CDKL5: variants seen among roughly 807,000 people sequenced by gnomAD.
CDKL5 encodes the protein cyclin dependent kinase like 5, also known as cyclin-dependent kinase-like 5.
CDKL5 carries 8 observed loss-of-function variants against 61.7 expected under a neutral mutation model. The observed-to-expected ratio is 0.13, with a 90% CI of 0.08 to 0.23. The LOEUF (loss-of-function observed/expected upper bound fraction) is 0.23, where lower values mean the gene tolerates loss of function less well. Ranked by LOEUF, CDKL5 falls within the 10% of genes least tolerant of loss-of-function variation. The pLI is 1.00. For synonymous variants in CDKL5, 275 were observed against 272.3 expected (o/e 1.01, Z -0.10); for missense variants, 440 against 734.5 (o/e 0.60, Z 4.63).
In CDKL5 at chrX:18,448,215, C is replaced by G. The variant is rs112610520; in HGVS notation, c.-163+22520C>G. Among the ~76,000 whole-genome samples, 399 of 112,374 alleles carry G rather than the reference C, an allele frequency of 3.6e-3. 1 individual carries two copies. Among genetic ancestry groups the G allele is most frequent in the African/African-American group, 0.012 (364 of 30,958 alleles). On this transcript the variant is annotated intron_variant, in intron 1 of 17. Coordinates refer to ENST00000623535, the MANE Select transcript of CDKL5 (RefSeq NM_001323289.2). Reference sequence around the variant, plus strand: ...CTGAGATCCACCTGGGCTCCCAAGACAGATAGTGGGGTCTTGTCCAGTTCA... The same window carrying G: ...CTGAGATCCACCTGGGCTCCCAAGAGAGATAGTGGGGTCTTGTCCAGTTCA...
intron 1 of CDKL5, among the ~76,000 whole-genome samples, chrX:18,446,481 T>A (rs1484797041): frequency 8.9e-6 from 1 of 112,450 alleles, no homozygotes; most frequent in Non-Finnish European, 1.9e-5. Flanking sequence ...CAGTTCACAT[T>A]ATCTGATAGG....
At chrX:18,507,679 C>T in intron 2 of CDKL5, among the ~76,000 whole-genome samples, 1 of 110,941 alleles carries the variant, frequency 9.0e-6, no homozygotes, top group Non-Finnish European at 1.9e-5. Context: ...TCAAGCGATT[C>T]TCCTGCCTCA....
chrX:18,590,204 T>C (rs1165321823), intron 9 of CDKL5, among the ~76,000 whole-genome samples: 1 of 111,687 alleles, frequency 9.0e-6, no homozygotes, highest in Non-Finnish European at 1.9e-5. Context: ...AGTCATGAAG[T>C]CCTTGCCCAT....
At chrX:18,486,703 C>T (rs989283250) in intron 1 of CDKL5, among the ~76,000 whole-genome samples, 8 of 111,764 alleles carry the variant, frequency 7.2e-5, no homozygotes, top group African/African-American at 2.6e-4. Context: ...TATTGTGACT[C>T]GCATAAAGAG....
chrX:18,453,982 A>G (rs1407627130), intron 1 of CDKL5, among the ~76,000 whole-genome samples: 2 of 111,546 alleles, frequency 1.8e-5, no homozygotes, highest in Non-Finnish European at 3.8e-5. Flanking sequence ...TTTGAGGTTA[A>G]AACCAATAGC....
At position 18,598,714 on chromosome X, in the gene CDKL5, G is replaced by A. The variant is rs762953427; in HGVS notation, c.977+101G>A. Reference sequence around the variant, plus strand: ...GATGCAATTAGAGAAAAGAAGGAAAGCCCTCTTTATTCAAAAATATCTTCC... The same window carrying A: ...GATGCAATTAGAGAAAAGAAGGAAAACCCTCTTTATTCAAAAATATCTTCC... On this transcript the variant is annotated intron_variant, in intron 11 of 17. Coordinates refer to ENST00000623535, the MANE Select transcript of CDKL5 (RefSeq NM_001323289.2). 48 of 725,308 alleles carry A rather than the reference G, an allele frequency of 6.6e-5. No homozygotes were observed. In the South Asian group the frequency reaches 1.0e-3, roughly 16 times the overall value. 59.8% of individuals were successfully genotyped at this position (725,308 alleles called of 1,213,427 possible). A position where few individuals can be genotyped will look rare whatever the true frequency, so the allele number is the denominator to read the frequency against.
chrX:18,495,975 G>A (rs1922155660), intron 1 of CDKL5, among the ~76,000 whole-genome samples: 2 of 112,272 alleles, frequency 1.8e-5, no homozygotes, highest in South Asian at 7.3e-4. Flanking sequence ...GTTGTTCACC[G>A]CTATATCCTG....
At chrX:18,493,869 C>T (rs1922072972) in intron 1 of CDKL5, among the ~76,000 whole-genome samples, 1 of 111,985 alleles carries the variant, frequency 8.9e-6, no homozygotes, top group Admixed American at 9.4e-5. Flanking sequence ...TCCTTTTAAC[C>T]AATAGGGTAT....
chrX:18,486,524 A>G (rs1402582420), intron 1 of CDKL5, among the ~76,000 whole-genome samples: 2 of 112,414 alleles, frequency 1.8e-5, no homozygotes, highest in Non-Finnish European at 3.8e-5. Context: ...AAAGCGGTCA[A>G]GCACAATGGC....
chrX:18,576,705 A>G (rs1336427598), intron 5 of CDKL5, among the ~76,000 whole-genome samples: 1 of 110,335 alleles, frequency 9.1e-6, no homozygotes, highest in Non-Finnish European at 1.9e-5. Context: ...ATCTTAAACC[A>G]CTGCTTTATG....
At chrX:18,595,251 A>G in intron 9 of CDKL5, 97 bp from the exon 10 acceptor site, 1 of 588,150 alleles carries the variant, frequency 1.7e-6, no homozygotes. Context: ...TGGGATTGGC[A>G]TTTTTGCTTA....
chrX:18,613,486 A>AG (rs1268091445), intron 15 of CDKL5, among the ~76,000 whole-genome samples: 4 of 111,895 alleles, frequency 3.6e-5, no homozygotes, highest in Non-Finnish European at 7.5e-5. Context: ...GGGAAAAAAA[A>AG]TCTCCTGGAT....
chrX:18,479,564 C>T (rs1602215650), intron 1 of CDKL5, among the ~76,000 whole-genome samples: 1 of 110,026 alleles, frequency 9.1e-6, no homozygotes, highest in South Asian at 3.9e-4. Flanking sequence ...TGTGTTCCGC[C>T]CACCTCGGCC....
chrX:18,623,451 G>A (rs1926948697), intron 16 of CDKL5, among the ~76,000 whole-genome samples: 1 of 111,526 alleles, frequency 9.0e-6, no homozygotes, highest in East Asian at 2.8e-4. Context: ...TCTCCTAATA[G>A]GCAAATTACA....
Position 18,639,425 on chromosome X carries a change from G to A in CDKL5, c.*10668G>A, listed in dbSNP as rs1462930088. 8.9e-6 allele frequency among the ~76,000 whole-genome samples: 1 copy of A among 112,459 alleles called. No individual in the cohort carries two copies. The highest frequency in any genetic ancestry group is 3.2e-5 in the African/African-American group (1 of 30,957). Reference sequence around the variant, plus strand: ...CATGAAAAGATGCTCAACATCATTAGTCACTAGGGAAATGCAAATCAAAAC... The same window carrying A: ...CATGAAAAGATGCTCAACATCATTAATCACTAGGGAAATGCAAATCAAAAC... On this transcript the variant is annotated 3_prime_UTR_variant, in exon 18 of 18. Coordinates refer to ENST00000623535, the MANE Select transcript of CDKL5 (RefSeq NM_001323289.2).
At chrX:18,442,393 G>A (rs1054623370) in intron 1 of CDKL5, 12 of 111,873 alleles carry the variant, frequency 1.1e-4, no homozygotes, top group Admixed American at 5.7e-4. Context: ...TCCAACAGGC[G>A]AGCACATGGT....
intron 1 of CDKL5, among the ~76,000 whole-genome samples, chrX:18,500,922 A>G (rs1922358151): frequency 9.1e-6 from 1 of 110,354 alleles, no homozygotes; most frequent in Admixed American, 9.7e-5. Context: ...CACTGCAACC[A>G]TCACCTCCCA....
chrX:18,461,779 C>T (rs1349892760), intron 1 of CDKL5, among the ~76,000 whole-genome samples: 1 of 112,380 alleles, frequency 8.9e-6, no homozygotes, highest in African/African-American at 3.2e-5. Flanking sequence ...TAGGCATCTC[C>T]ATGTCCAAAG....
intron 3 of CDKL5, among the ~76,000 whole-genome samples, chrX:18,543,984 A>G (rs1924109019): frequency 8.9e-6 from 1 of 111,952 alleles, no homozygotes; most frequent in African/African-American, 3.3e-5. Flanking sequence ...CTCTGGTTAC[A>G]ATTAAACCCT....
Sources: allele counts gnomAD v4.1 joint callset (sites outside exome capture counted in the v4.1 genomes callset), GRCh38; gene constraint gnomAD v4.1.1; transcripts MANE v1.5; gene names NCBI Gene and HGNC (gene_info 2026-07-23, HGNC 2026-07-21).